PDE10A: variants seen among roughly 807,000 people sequenced by gnomAD.
The protein encoded by PDE10A is cAMP and cAMP-inhibited cGMP 3',5'-cyclic phosphodiesterase 10A.
A neutral mutation model predicts 97.7 loss-of-function variants in PDE10A; 39 were observed. The observed-to-expected ratio is 0.40, with a 90% CI of 0.31 to 0.52. The LOEUF is 0.52. Ranked by LOEUF, PDE10A falls within the 20% of genes least tolerant of loss-of-function variation. PDE10A has a pLI of 0.56. For missense variants in PDE10A, 731 were observed against 1,047.8 expected, an observed-to-expected ratio of 0.70 and a Z score of 4.17; for synonymous variants, 371 against 376.8, an observed-to-expected ratio of 0.98 and a Z score of 0.18.
At chr6:165,760,365 C>T (rs573504020) in intron 1 of PDE10A, among the ~76,000 whole-genome samples, 4 of 152,260 alleles carry the variant, frequency 2.6e-5, no homozygotes, top group Admixed American at 1.3e-4. Context: ...ACACGTGACT[C>T]CTCACACAGT....
intron 1 of PDE10A, among the ~76,000 whole-genome samples, chr6:165,875,731 G>GTTTTTTTTTTTTTTTTTTTTTTTTTTTT (rs748111095): frequency 4.3e-5 from 2 of 46,944 alleles, no homozygotes; most frequent in African/African-American, 1.6e-4. Context: ...TTCTTTTACT[G>GTTTTTTTTTTTTTTTTTTTTTTTTTTTT]TTTTTTTTTT....
chr6:165,393,673 C>T (rs1013134494), intron 15 of PDE10A, among the ~76,000 whole-genome samples: 7 of 152,286 alleles, frequency 4.6e-5, no homozygotes, highest in Middle Eastern at 3.4e-3. Context: ...ATCCTATGCT[C>T]ATCCTTTTGA....
At chr6:165,414,000 G>A (rs575066514) in intron 12 of PDE10A, among the ~76,000 whole-genome samples, 5 of 152,164 alleles carry the variant, frequency 3.3e-5, no homozygotes, top group South Asian at 2.1e-4. Flanking sequence ...AAAAAAAAAC[G>A]TGGATTCAGA....
At chr6:165,967,763 A>G (rs1206178584) in intron 1 of PDE10A, among the ~76,000 whole-genome samples, 1 of 152,192 alleles carries the variant, frequency 6.6e-6, no homozygotes, top group Non-Finnish European at 1.5e-5. Context: ...TGATTGCTCT[A>G]TGACTATTTT....
chr6:165,458,614 T>G (rs1386792696), intron 3 of PDE10A, among the ~76,000 whole-genome samples: 1 of 152,068 alleles, frequency 6.6e-6, no homozygotes, highest in Non-Finnish European at 1.5e-5. Flanking sequence ...TGCCTTAGCA[T>G]TCTATCAGTA....
chr6:165,354,794 G>A (rs532945389), intron 18 of PDE10A, among the ~76,000 whole-genome samples: 1 of 152,252 alleles, frequency 6.6e-6, no homozygotes, highest in South Asian at 2.1e-4. Flanking sequence ...AGAAGAGAAA[G>A]GTTTCCAATA....
At chr6:165,728,180 G>C (rs1792344173) in intron 1 of PDE10A, among the ~76,000 whole-genome samples, 1 of 152,176 alleles carries the variant, frequency 6.6e-6, no homozygotes, top group East Asian at 1.9e-4. Context: ...ATGTGTCTCT[G>C]ACAGCCCTGC....
At chr6:165,583,208 G>A (rs1785714921) in intron 1 of PDE10A, among the ~76,000 whole-genome samples, 1 of 152,214 alleles carries the variant, frequency 6.6e-6, no homozygotes, top group Admixed American at 6.5e-5. Context: ...GGATTAAGAA[G>A]TTAGGTCACT....
chr6:165,971,258 A>G (rs1784664955), intron 1 of PDE10A, among the ~76,000 whole-genome samples: 1 of 152,178 alleles, frequency 6.6e-6, no homozygotes, highest in African/African-American at 2.4e-5. Flanking sequence ...TAAATACATG[A>G]TTGAACATGA....
chr6:165,338,985 C>A (rs77719595), intron 20 of PDE10A, among the ~76,000 whole-genome samples: 1 of 152,120 alleles, frequency 6.6e-6, no homozygotes, highest in African/African-American at 2.4e-5. Context: ...TAGAGTTGGC[C>A]GTCAAACTCA....
At chr6:165,901,193 C>G (rs1782095467) in intron 1 of PDE10A, among the ~76,000 whole-genome samples, 1 of 152,182 alleles carries the variant, frequency 6.6e-6, no homozygotes, top group Non-Finnish European at 1.5e-5. Context: ...TGTGGCGTCT[C>G]CAGCTCCTGG....
intron 7 of PDE10A, 80 bp downstream of exon 7, chr6:165,432,894 T>A (rs943307978): frequency 1.0e-6 from 1 of 964,590 alleles, no homozygotes; most frequent in Admixed American, 2.3e-5. Context: ...CAGTTTAGTA[T>A]TACTTAGCAA....
intron 15 of PDE10A, among the ~76,000 whole-genome samples, chr6:165,394,467 T>A (rs367781580): frequency 1.3e-5 from 2 of 152,204 alleles, no homozygotes; most frequent in Non-Finnish European, 2.9e-5. Flanking sequence ...CAGTCTATCA[T>A]TGATGGGCAT....
intron 1 of PDE10A, among the ~76,000 whole-genome samples, chr6:165,889,018 T>A (rs923032756): frequency 6.6e-6 from 1 of 152,208 alleles, no homozygotes; most frequent in Non-Finnish European, 1.5e-5. Context: ...ACTTTTTGTG[T>A]ATCTTTTATG....
At chr6:165,611,098 T>C (rs1270867121) in intron 1 of PDE10A, among the ~76,000 whole-genome samples, 1 of 151,850 alleles carries the variant, frequency 6.6e-6, no homozygotes, top group African/African-American at 2.4e-5. Context: ...AATACATTTG[T>C]TTTTCAAAAG....
intron 1 of PDE10A, among the ~76,000 whole-genome samples, chr6:165,705,785 G>A (rs1414548149): frequency 6.6e-6 from 1 of 152,174 alleles, no homozygotes; most frequent in Non-Finnish European, 1.5e-5. Flanking sequence ...ACCATCATCT[G>A]TGTGCTATTA....
intron 1 of PDE10A, among the ~76,000 whole-genome samples, chr6:165,603,825 A>G (rs1787082576): frequency 6.6e-6 from 1 of 152,238 alleles, no homozygotes; most frequent in Non-Finnish European, 1.5e-5. Flanking sequence ...ACTAACTTAA[A>G]TATTTATCCA....
At chr6:165,792,056 G>A (rs1347096848) in intron 1 of PDE10A, among the ~76,000 whole-genome samples, 2 of 152,150 alleles carry the variant, frequency 1.3e-5, no homozygotes, top group East Asian at 1.9e-4. Context: ...CCTGCCTGCC[G>A]GTCATGGCTC....
intron 1 of PDE10A, among the ~76,000 whole-genome samples, chr6:165,932,905 C>T (rs1431001939): frequency 6.6e-6 from 1 of 152,194 alleles, no homozygotes; most frequent in Admixed American, 6.5e-5. Flanking sequence ...ACAACCCCTC[C>T]AAGGAGACCA....
Sources: allele counts gnomAD v4.1 joint callset (sites outside exome capture counted in the v4.1 genomes callset), GRCh38; gene constraint gnomAD v4.1.1; transcripts MANE v1.5; gene names NCBI Gene and HGNC (gene_info 2026-07-23, HGNC 2026-07-21).